Variants in DENND5A observed in about 807,000 individuals in gnomAD.
DENND5A encodes DENN domain-containing protein 5A.
Under a neutral mutation model 140.3 loss-of-function variants are expected in DENND5A, and 64 were observed. The ratio of observed to expected loss-of-function variants is 0.46; its 90% CI spans 0.37 to 0.56. The LOEUF is 0.56. DENND5A is among the 20% of genes least tolerant of loss of function. DENND5A has a pLI of 0.00. For missense variants in DENND5A, 1,292 were observed against 1,593.8 expected (o/e 0.81, Z 3.22); for synonymous variants, 605 against 607.7 (o/e 1.00, Z 0.07).
intron 1 of DENND5A, among the ~76,000 whole-genome samples, chr11:9,226,124 T>C (rs776126322): frequency 1.1e-4 from 16 of 152,326 alleles, no homozygotes; most frequent in Non-Finnish European, 1.5e-4. Flanking sequence ...ATCACCATTA[T>C]CATCAATCAG....
At chr11:9,203,036 C>T (rs1849574110) in intron 4 of DENND5A, among the ~76,000 whole-genome samples, 1 of 152,066 alleles carries the variant, frequency 6.6e-6, no homozygotes, top group South Asian at 2.1e-4. Flanking sequence ...CTGTCTTGTC[C>T]ACCACTACCC....
chr11:9,174,270 T>C (rs1030130472), intron 8 of DENND5A, among the ~76,000 whole-genome samples: 8 of 151,902 alleles, frequency 5.3e-5, no homozygotes, highest in Middle Eastern at 3.4e-3. Context: ...TCATATTAAA[T>C]GTACATGGTC....
intron 1 of DENND5A, among the ~76,000 whole-genome samples, chr11:9,238,666 G>A (rs1590321357): frequency 2.0e-5 from 3 of 151,556 alleles, no homozygotes; most frequent in East Asian, 1.9e-4. Flanking sequence ...CGCCCGCCTC[G>A]GCCTCCCAAA....
At chr11:9,197,927 A>G (rs1849388070) in intron 4 of DENND5A, among the ~76,000 whole-genome samples, 1 of 152,234 alleles carries the variant, frequency 6.6e-6, no homozygotes, top group Non-Finnish European at 1.5e-5. Context: ...ATAGTAAAAT[A>G]TCATTGGAGA....
chr11:9,198,384 G>A (rs181903790), intron 4 of DENND5A, among the ~76,000 whole-genome samples: 8 of 151,794 alleles, frequency 5.3e-5, no homozygotes, highest in Admixed American at 1.3e-4. Flanking sequence ...AGGCCGAGGC[G>A]GGTGGATCAC....
At chr11:9,197,116 C>T (rs1237042577) in intron 4 of DENND5A, among the ~76,000 whole-genome samples, 4 of 150,840 alleles carry the variant, frequency 2.7e-5, no homozygotes, top group African/African-American at 7.3e-5. Context: ...ACCAACCTGG[C>T]AAGAATAGCA....
chr11:9,172,996 T>C (rs57127036), intron 8 of DENND5A, among the ~76,000 whole-genome samples: 1 of 147,328 alleles, frequency 6.8e-6, no homozygotes, highest in East Asian at 2.0e-4. Flanking sequence ...TTTTTTTTTT[T>C]TATATGTTTA....
chr11:9,193,486 G>T lies in DENND5A; in HGVS notation c.1137+8C>A, dbSNP rs1225609720. On this transcript the variant is annotated splice_region_variant and intron_variant, in intron 5 of 22. Transcript: ENST00000328194. ...TGGGGCCAGAGGCACCAACACTCAAGATCTCACCTCTTGAGGCAGCTCCAG... is the reference window on the plus strand; with the variant it reads ...TGGGGCCAGAGGCACCAACACTCAATATCTCACCTCTTGAGGCAGCTCCAG... 6.3e-7 allele frequency: 1 copy of T among 1,591,392 alleles called. No individual in the cohort carries two copies.
intron 5 of DENND5A, among the ~76,000 whole-genome samples, chr11:9,181,345 G>C (rs941373958): frequency 6.6e-6 from 1 of 152,160 alleles, no homozygotes; most frequent in African/African-American, 2.4e-5. Context: ...GAGATAAAGA[G>C]ATAAACAATG....
intron 12 of DENND5A, among the ~76,000 whole-genome samples, chr11:9,159,399 C>T (rs1237278037): frequency 1.3e-5 from 2 of 150,554 alleles, no homozygotes. Context: ...TGGCTCACTG[C>T]AACCTCTGCC....
intron 22 of DENND5A, among the ~76,000 whole-genome samples, chr11:9,141,206 C>T (rs1412520230): frequency 2.6e-5 from 4 of 152,318 alleles, no homozygotes; most frequent in East Asian, 3.9e-4. Context: ...TTCCATAAGG[C>T]CATTTAAATG....
At chr11:9,187,215 G>C (rs1848944904) in intron 5 of DENND5A, among the ~76,000 whole-genome samples, 1 of 152,064 alleles carries the variant, frequency 6.6e-6, no homozygotes, top group African/African-American at 2.4e-5. Context: ...TCATACAGAG[G>C]GGCTCTAGCA....
chr11:9,186,172 A>G (rs1848907099), intron 5 of DENND5A, among the ~76,000 whole-genome samples: 1 of 138,066 alleles, frequency 7.2e-6, no homozygotes, highest in South Asian at 2.1e-4. Flanking sequence ...AAAGACTGTA[A>G]GAATCACTTT....
At chr11:9,154,737 A>C (rs899729887) in intron 12 of DENND5A, among the ~76,000 whole-genome samples, 2 of 152,230 alleles carry the variant, frequency 1.3e-5, no homozygotes, top group African/African-American at 4.8e-5. Flanking sequence ...TGAAAAAAAA[A>C]ATGTCTAACA....
At chr11:9,147,526 G>A (rs754309940) in intron 15 of DENND5A, among the ~76,000 whole-genome samples, 1 of 152,190 alleles carries the variant, frequency 6.6e-6, no homozygotes, top group Non-Finnish European at 1.5e-5. Context: ...GTGTGTGAGT[G>A]GCAGTGGATG....
At chr11:9,153,092 C>T (rs1341856811) in intron 12 of DENND5A, among the ~76,000 whole-genome samples, 3 of 151,636 alleles carry the variant, frequency 2.0e-5, no homozygotes, top group Non-Finnish European at 2.9e-5. Flanking sequence ...GAGGCCAAGG[C>T]GGGCGGATCA....
At chr11:9,178,533 G>T (rs1366706072) in intron 7 of DENND5A, among the ~76,000 whole-genome samples, 167 bp from the exon 8 acceptor site, 1 of 151,360 alleles carries the variant, frequency 6.6e-6, no homozygotes, top group Non-Finnish European at 1.5e-5. Flanking sequence ...GTAAGTTCAG[G>T]TATCTTGAAA....
At chr11:9,160,349 T>C (rs964933277) in intron 12 of DENND5A, among the ~76,000 whole-genome samples, 11 of 152,190 alleles carry the variant, frequency 7.2e-5, no homozygotes, top group Non-Finnish European at 1.6e-4. Context: ...ACTGTGAATA[T>C]ATGATTAGTG....
At chr11:9,207,510 G>T (rs1427100198) in intron 2 of DENND5A, 51 bp downstream of exon 2, 5 of 1,384,050 alleles carry the variant, frequency 3.6e-6, no homozygotes, top group Admixed American at 1.7e-5. Flanking sequence ...AGAGATATAT[G>T]TAAGAACCAT....
Sources: gnomAD v4.1 joint callset for allele counts (sites outside exome capture counted in the v4.1 genomes callset) on GRCh38, gnomAD v4.1.1 for gene constraint, MANE v1.5 for transcripts, NCBI Gene and HGNC (gene_info 2026-07-23, HGNC 2026-07-21) for gene names.